Variants in KALRN observed in about 807,000 individuals in gnomAD.
The protein encoded by KALRN is kalirin.
Under a neutral mutation model 353.7 loss-of-function variants are expected in KALRN, and 70 were observed. The ratio of observed to expected loss-of-function variants is 0.20; its 90% CI spans 0.16 to 0.24. KALRN has a LOEUF of 0.24. Ranked by LOEUF, KALRN falls within the 10% of genes least tolerant of loss-of-function variation. The probability of loss-of-function intolerance (pLI) is 1.00; values close to 1 mark genes in which losing one functional copy is unlikely to be tolerated. For synonymous variants in KALRN, 1,391 were observed against 1,434.8 expected, an observed-to-expected ratio of 0.97 and a Z score of 0.69; for missense variants, 2,791 against 3,756.7, an observed-to-expected ratio of 0.74 and a Z score of 6.72.
intron 32 of KALRN, among the ~76,000 whole-genome samples, chr3:124,495,150 G>A (rs1317084806): frequency 2.0e-5 from 3 of 152,178 alleles, no homozygotes; most frequent in Non-Finnish European, 4.4e-5. Context: ...AATGCCAGGA[G>A]TGCACTCAGG....
At chr3:124,052,192 C>A (rs1312263598) in intron 1 of KALRN, among the ~76,000 whole-genome samples, 1 of 152,204 alleles carries the variant, frequency 6.6e-6, no homozygotes, top group African/African-American at 2.4e-5. Flanking sequence ...GGTGACCCAG[C>A]ATCCTTATAT....
At chr3:124,066,325 A>C (rs2042358676) in intron 1 of KALRN, among the ~76,000 whole-genome samples, 1 of 152,202 alleles carries the variant, frequency 6.6e-6, no homozygotes, top group African/African-American at 2.4e-5. Flanking sequence ...AGAGTCCTGA[A>C]TATGTTGAGT....
chr3:124,321,707 A>G (rs994514669), intron 6 of KALRN, among the ~76,000 whole-genome samples: 2 of 152,334 alleles, frequency 1.3e-5, no homozygotes. Flanking sequence ...GTGTCAATAT[A>G]CACGGTTTTT....
At chr3:124,673,123 G>T (rs555840114) in intron 48 of KALRN, among the ~76,000 whole-genome samples, 1 of 152,030 alleles carries the variant, frequency 6.6e-6, no homozygotes, top group Non-Finnish European at 1.5e-5. Flanking sequence ...GCTGGCTCAC[G>T]CCTGTAATCC....
In KALRN at chr3:124,696,241, C is replaced by G. The variant is rs1486954279; in HGVS notation, c.7685C>G (p.Thr2562Arg). The G allele has an allele frequency of 3.7e-6, 6 of 1,613,836 alleles. No homozygotes were observed. The South Asian group carries it at 4.4e-5, about 12-fold the overall frequency. Residue 2562 changes from threonine (T) to arginine (R), a missense_variant, in exon 54 of 60, where the codon ACA becomes AGA. Thr to Arg is a moderately conservative substitution (Grantham distance 71). Around this residue, in one of 11 missense-constraint regions of KALRN, gnomAD observed 1,065 missense variants for 1,156.4 expected, o/e 0.92. Coordinates refer to ENST00000682506, the MANE Select transcript of KALRN (RefSeq NM_001388419.1). ...NDHGTTSTSA[T>R]VKVQGVPAAP... Reference sequence around the variant, plus strand: ...CACGGGACCACATCAACGTCTGCAACAGTCAAAGTGCAAGGTACAGCCTCT... The same window carrying G: ...CACGGGACCACATCAACGTCTGCAAGAGTCAAAGTGCAAGGTACAGCCTCT...
At chr3:124,591,682 TA>T (rs141437550) in intron 34 of KALRN, among the ~76,000 whole-genome samples, 2 of 152,136 alleles carry the variant, frequency 1.3e-5, no homozygotes, top group East Asian at 3.9e-4. Context: ...TAAAGTGCTC[TA>T]AAAAAATTAG....
intron 12 of KALRN, among the ~76,000 whole-genome samples, chr3:124,396,480 A>G (rs1308114542): frequency 6.6e-6 from 1 of 152,142 alleles, no homozygotes; most frequent in Non-Finnish European, 1.5e-5. Context: ...GTGCCTCCCT[A>G]GGAAACTCCA....
chr3:124,096,080 G>A (rs1246659418), intron 1 of KALRN: 1 of 151,410 alleles, frequency 6.6e-6, no homozygotes, highest in Non-Finnish European at 1.5e-5. Context: ...TTGAGATGAG[G>A]GCGTTAAGAA....
chr3:124,094,751 T>C, intron 1 of KALRN: 1 of 1,135,318 alleles, frequency 8.8e-7, no homozygotes, highest in African/African-American at 1.5e-5. Context: ...GAGCCCAGCG[T>C]CAAGTGATTC....
chr3:124,485,599 G>A (rs2062475980), intron 28 of KALRN, among the ~76,000 whole-genome samples: 1 of 152,310 alleles, frequency 6.6e-6, no homozygotes, highest in Admixed American at 6.5e-5. Context: ...AAGAAAATAG[G>A]CTGGGCACAG....
rs963435305 is a variant in KALRN at position 124,268,857 on chromosome 3, T to G, written c.571T>G (p.Ser191Ala). 2 of 1,613,996 alleles carry G rather than the reference T, an allele frequency of 1.2e-6. No homozygotes were observed. The highest frequency in any genetic ancestry group is 1.7e-5 in the Admixed American group (1 of 60,002). ...TGAGGAGTGGATCGAACTGCGGCTC[T>G]CCCTGGAGGAGTTCTTCAACAGCGC... ...NHEEWIELRL[S>A]LEEFFNSAVH... is the part of the protein sequence containing the mutation. The change falls in exon 5 of 60, where the codon TCC (serine) becomes GCC (alanine). Residue 191 changes from serine to alanine, a missense_variant. This residue lies in a region of KALRN where 366 missense variants were observed against 489.2 expected (regional missense o/e 0.75). Transcript: ENST00000682506.
At chr3:124,570,618 T>G (rs189810620) in intron 34 of KALRN, among the ~76,000 whole-genome samples, 58 of 152,308 alleles carry the variant, frequency 3.8e-4, no homozygotes, top group African/African-American at 1.3e-3. Flanking sequence ...ATAATGCATT[T>G]GAATAAGAAA....
At chr3:124,554,615 T>C (rs912234250) in intron 33 of KALRN, among the ~76,000 whole-genome samples, 6 of 152,240 alleles carry the variant, frequency 3.9e-5, no homozygotes, top group Admixed American at 6.5e-5. Context: ...TGTTTTATTG[T>C]CCTGCTTGCA....
At chr3:124,410,533 G>T (rs76665143) in intron 13 of KALRN, among the ~76,000 whole-genome samples, 5,883 of 152,236 alleles carry the variant, frequency 0.039, 238 homozygotes, top group African/African-American at 0.085. Flanking sequence ...AAGGGCAGAA[G>T]ACTTGAAAAG....
intron 51 of KALRN, among the ~76,000 whole-genome samples, chr3:124,683,110 A>G (rs1419996341): frequency 6.6e-6 from 1 of 152,198 alleles, no homozygotes; most frequent in African/African-American, 2.4e-5. Flanking sequence ...TCATACATGA[A>G]AGAGATGTTT....
intron 1 of KALRN, among the ~76,000 whole-genome samples, chr3:124,120,257 T>C (rs1578267108): frequency 6.6e-6 from 1 of 152,170 alleles, no homozygotes; most frequent in African/African-American, 2.4e-5. Flanking sequence ...GGCAGGCAGA[T>C]CCAGTGTGGG....
intron 1 of KALRN, among the ~76,000 whole-genome samples, chr3:124,061,866 T>C (rs2042021842): frequency 6.6e-6 from 1 of 151,978 alleles, no homozygotes; most frequent in Admixed American, 6.6e-5. Context: ...ACACCAGGAG[T>C]AGACCACATT....
At chr3:124,550,787 A>T (rs540911174) in intron 33 of KALRN, among the ~76,000 whole-genome samples, 1 of 152,268 alleles carries the variant, frequency 6.6e-6, no homozygotes, top group African/African-American at 2.4e-5. Flanking sequence ...CAGGAGATCG[A>T]GACCACCCTG....
At chr3:124,590,584 C>T (rs928770993) in intron 34 of KALRN, among the ~76,000 whole-genome samples, 6 of 152,102 alleles carry the variant, frequency 3.9e-5, no homozygotes, top group African/African-American at 7.2e-5. Context: ...TAAGAATCTT[C>T]ATACTGTTTT....
Sources: gnomAD v4.1 joint callset for allele counts (sites outside exome capture counted in the v4.1 genomes callset) on GRCh38, gnomAD v4.1.1 for gene constraint, gnomAD v4.1.1 regional missense constraint, MANE v1.5 for transcripts, NCBI Gene and HGNC (gene_info 2026-07-23, HGNC 2026-07-21) for gene names.